The following SEMA4D variants were observed in gnomAD, a reference collection of about 807,000 sequenced individuals.
The protein encoded by SEMA4D is semaphorin-4D.
Under a neutral mutation model 74.8 loss-of-function variants are expected in SEMA4D, and 22 were observed. That is an observed-to-expected ratio of 0.29 (90% CI 0.21 to 0.42). SEMA4D has a LOEUF of 0.42. Ranked by LOEUF, SEMA4D falls within the 10% of genes least tolerant of loss-of-function variation. The pLI is 1.00. For missense variants in SEMA4D, 937 were observed against 1,118.4 expected, an observed-to-expected ratio of 0.84 and a Z score of 2.31; for synonymous variants, 445 against 463.7, an observed-to-expected ratio of 0.96 and a Z score of 0.52.
Position 89,463,126 on chromosome 9 carries a change from A to AC in SEMA4D, c.-309-7174dup, listed in dbSNP as rs1475462874. Among the ~76,000 whole-genome samples, 15 of 152,006 alleles carry AC rather than the reference A, an allele frequency of 9.9e-5. No individual in the cohort carries two copies. The East Asian group carries it at 2.1e-3, about 22-fold the overall frequency. ...CTCTCTTCTCTGCATCCCAGTACCC[A>AC]CTTCCAGGTTTCCAATGTGTTGAGT... is the stretch of plus-strand genomic sequence containing the variant. On this transcript the variant is annotated intron_variant, in intron 1 of 15. Coordinates refer to ENST00000422704, the MANE Select transcript of SEMA4D (RefSeq NM_001371194.2).
At chr9:89,424,213 C>T (rs1847633728) in intron 2 of SEMA4D, among the ~76,000 whole-genome samples, 1 of 152,146 alleles carries the variant, frequency 6.6e-6, no homozygotes, top group African/African-American at 2.4e-5. Context: ...TGAGACTGCA[C>T]AAATGAGGAC....
chr9:89,475,143 A>G (rs989196488), intron 1 of SEMA4D, among the ~76,000 whole-genome samples: 2 of 152,210 alleles, frequency 1.3e-5, no homozygotes, highest in Non-Finnish European at 2.9e-5. Context: ...AGGACAGACC[A>G]GCCACAACCT....
At chr9:89,425,291 G>A (rs1382524003) in intron 2 of SEMA4D, among the ~76,000 whole-genome samples, 7 of 152,170 alleles carry the variant, frequency 4.6e-5, no homozygotes, top group East Asian at 3.9e-4. Context: ...GGCTCAGCTC[G>A]AAGGCCAGGG....
rs746351203 is a variant in SEMA4D at position 89,379,023 on chromosome 9, T to G, written c.2270A>C (p.Lys757Thr). The change falls in exon 16 of 16, where the codon AAG becomes ACG. Residue 757 changes from lysine to threonine, a missense_variant. By Grantham distance (78) the Lys-to-Thr change is moderately conservative (BLOSUM62 -1). Coordinates refer to ENST00000422704, the MANE Select transcript of SEMA4D (RefSeq NM_001371194.2). ...FLCLFFYNCY[K>T]GYLPRQCLKF... ...CAAGCACTGTCTGGGCAGGTATCCC[T>G]TATAGCAGTTGTAGAAAAAGAGGCA... 2 of 1,611,710 alleles carry G rather than the reference T, an allele frequency of 1.2e-6. No homozygotes were observed. The highest frequency in any genetic ancestry group is 1.1e-5 in the South Asian group (1 of 90,882).
intron 1 of SEMA4D, among the ~76,000 whole-genome samples, chr9:89,493,126 T>G (rs1359682676): frequency 1.3e-5 from 2 of 152,138 alleles, no homozygotes; most frequent in Non-Finnish European, 2.9e-5. Flanking sequence ...CCCTGAAAGG[T>G]AAGCAGTTCC....
chr9:89,363,569 C>T (rs1187792419), intron 17 of SEMA4D: 1 of 1,611,346 alleles, frequency 6.2e-7, no homozygotes, highest in Non-Finnish European at 8.5e-7. Context: ...CTCTGTGGGC[C>T]TTTATGGCAC....
intron 2 of SEMA4D, among the ~76,000 whole-genome samples, chr9:89,407,682 T>C (rs1317277254): frequency 6.6e-6 from 1 of 152,206 alleles, no homozygotes; most frequent in Non-Finnish European, 1.5e-5. Context: ...ATTTTCATCA[T>C]GGCCAGCAAG....
intron 11 of SEMA4D, 45 bp from the exon 12 acceptor site, chr9:89,387,653 A>G: frequency 6.4e-7 from 1 of 1,573,918 alleles, no homozygotes; most frequent in Non-Finnish European, 8.7e-7. Context: ...GTGTCCCACC[A>G]CGCAACGGGT....
In SEMA4D at chr9:89,396,791, G is replaced by A. The variant is rs770965712; in HGVS notation, c.360C>T (p.Ala120=). 6.2e-7 allele frequency: 1 copy of A among 1,614,072 alleles called. No homozygotes were observed. Among genetic ancestry groups the A allele is most frequent in the East Asian group, 2.2e-5 (1 of 44,886 alleles). ...TGGTCCCACACACGTAAAGGGAAGT[G>A]GCGCTGAGTGGCTGCAGCACCCGGA... The part of the protein sequence containing the change: ...NYIRVLQPLS[A]TSLYVCGTNA... Residue 120 remains alanine, a synonymous_variant, in exon 6 of 16, where the codon GCC becomes GCT. Coordinates refer to ENST00000422704, the MANE Select transcript of SEMA4D (RefSeq NM_001371194.2).
At chr9:89,394,652 G>A (rs890661759) in intron 6 of SEMA4D, among the ~76,000 whole-genome samples, 6 of 152,240 alleles carry the variant, frequency 3.9e-5, no homozygotes, top group Non-Finnish European at 7.3e-5. Flanking sequence ...CTGGAAACAC[G>A]CTCTCGGAAG....
Position 89,484,057 on chromosome 9 carries a change from G to A in SEMA4D, c.-310+13862C>T, listed in dbSNP as rs993527249. On this transcript the variant is annotated intron_variant, in intron 1 of 15. Transcript: ENST00000422704. The surrounding 1 kb of genome is among the most constrained non-coding windows in gnomAD (Gnocchi z 4.1). Reference sequence around the variant, plus strand: ...GGACAACCCCACTAAGGAAGAGGGCGGGCCCCACTGAGGCTGCGCACAAGC... The same window carrying A: ...GGACAACCCCACTAAGGAAGAGGGCAGGCCCCACTGAGGCTGCGCACAAGC... 3.3e-5 allele frequency among the ~76,000 whole-genome samples: 5 copies of A among 152,218 alleles called. No individual in the cohort carries two copies. The highest frequency in any genetic ancestry group is 1.9e-4 in the East Asian group (1 of 5,188).
Position 89,397,521 on chromosome 9 carries a change from C to T in SEMA4D, c.316-686G>A, listed in dbSNP as rs182231302. 2.2e-4 allele frequency among the ~76,000 whole-genome samples: 33 copies of T among 152,312 alleles called. No individual in the cohort carries two copies. The East Asian group carries it at 4.4e-3, about 21-fold the overall frequency. ...AGGCCCAAGCAGGAAAACAAAGATA[C>T]CATTTCAGAACCCACTATTTTAGGC... On this transcript the variant is annotated intron_variant, in intron 5 of 15. Transcript: ENST00000422704.
At chr9:89,424,823 C>A (rs1340264153) in intron 2 of SEMA4D, among the ~76,000 whole-genome samples, 3 of 152,092 alleles carry the variant, frequency 2.0e-5, no homozygotes, top group African/African-American at 7.3e-5. Context: ...CTTACGGCCC[C>A]TGTGCCCCCG....
chr9:89,393,801 C>T (rs886916818), intron 6 of SEMA4D, 146 bp from the exon 7 acceptor site: 6 of 648,636 alleles, frequency 9.3e-6, no homozygotes, highest in Middle Eastern at 8.2e-4. Context: ...ACAGGAGTCC[C>T]GCCCACTAGG....
At chr9:89,391,733 T>C (rs901653732) in intron 8 of SEMA4D, among the ~76,000 whole-genome samples, 23 of 152,146 alleles carry the variant, frequency 1.5e-4, no homozygotes, top group African/African-American at 5.3e-4. Flanking sequence ...GGGAGCCAGA[T>C]GGTACCAGCA....
chr9:89,385,149 AC>A (rs1414438130), intron 13 of SEMA4D: 1 of 888,298 alleles, frequency 1.1e-6, no homozygotes, highest in Non-Finnish European at 1.3e-6. Context: ...CTGACCCGTA[AC>A]CCCCTCTGTG....
chr9:89,422,524 G>A (rs1289468317), intron 2 of SEMA4D, among the ~76,000 whole-genome samples: 4 of 152,236 alleles, frequency 2.6e-5, no homozygotes, highest in Non-Finnish European at 5.9e-5. Context: ...AAGAGGGCCC[G>A]CGTGGGTCAC....
chr9:89,449,630 G>A (rs1853857908), intron 2 of SEMA4D: 4 of 1,246,842 alleles, frequency 3.2e-6, no homozygotes, highest in Non-Finnish European at 3.5e-6. Flanking sequence ...TAAGATGGGG[G>A]GGTGACATTG....
intron 1 of SEMA4D, among the ~76,000 whole-genome samples, chr9:89,488,655 G>A (rs1426557936): frequency 6.6e-6 from 1 of 152,150 alleles, no homozygotes; most frequent in Non-Finnish European, 1.5e-5. Flanking sequence ...TTACAGGCGT[G>A]AGCCACCACG....
Sources: allele counts gnomAD v4.1 joint callset (sites outside exome capture counted in the v4.1 genomes callset), GRCh38; gene constraint gnomAD v4.1.1; non-coding constraint Gnocchi (gnomAD v3.1); transcripts MANE v1.5; gene names NCBI Gene and HGNC (gene_info 2026-07-23, HGNC 2026-07-21).